Variants in PODXL observed in about 807,000 individuals in gnomAD.
The protein encoded by PODXL is podocalyxin like, also known as podocalyxin.
Under a neutral mutation model 48.9 loss-of-function variants are expected in PODXL, and 20 were observed. That is an observed-to-expected ratio of 0.41 (90% CI 0.29 to 0.59). The LOEUF is 0.59. PODXL is among the 20% of genes least tolerant of loss of function. The pLI, the probability that PODXL is intolerant of heterozygous loss-of-function variation, is 0.31. For synonymous variants in PODXL, 295 were observed against 287.4 expected (o/e 1.03, Z -0.27); for missense variants, 606 against 675.1 (o/e 0.90, Z 1.13).
intron 1 of PODXL, among the ~76,000 whole-genome samples, chr7:131,534,782 G>A (rs189028745): frequency 2.3e-3 from 354 of 152,312 alleles, no homozygotes; most frequent in African/African-American, 8.1e-3. Flanking sequence ...GGGTGTGGTG[G>A]CTCACACCTG....
At chr7:131,507,376 T>A (rs541639142) in intron 5 of PODXL, among the ~76,000 whole-genome samples, 1 of 152,176 alleles carries the variant, frequency 6.6e-6, no homozygotes, top group Non-Finnish European at 1.5e-5. Context: ...TATTTAGCTC[T>A]AAGAACAAAG....
At chr7:131,523,747 C>A (rs1001724395) in intron 1 of PODXL, among the ~76,000 whole-genome samples, 3 of 150,356 alleles carry the variant, frequency 2.0e-5, no homozygotes, top group Non-Finnish European at 4.4e-5. Flanking sequence ...TCAGCAGACT[C>A]CTCAACTCCA....
intron 1 of PODXL, among the ~76,000 whole-genome samples, chr7:131,530,316 G>T (rs1393409491): frequency 1.3e-5 from 2 of 152,182 alleles, no homozygotes; most frequent in South Asian, 4.1e-4. Flanking sequence ...CACTTGGCCA[G>T]GACTCCTCCC....
intron 5 of PODXL, among the ~76,000 whole-genome samples, chr7:131,508,105 T>G (rs745539086): frequency 2.0e-5 from 3 of 152,274 alleles, no homozygotes; most frequent in African/African-American, 7.2e-5. Context: ...ATTTACTGAG[T>G]GTGCACAGCG....
At chr7:131,518,436 T>C (rs1412035797) in intron 1 of PODXL, among the ~76,000 whole-genome samples, 1 of 152,234 alleles carries the variant, frequency 6.6e-6, no homozygotes, top group African/African-American at 2.4e-5. Flanking sequence ...TCATCACTTC[T>C]ACCATCATCG....
intron 1 of PODXL, among the ~76,000 whole-genome samples, chr7:131,535,185 G>C (rs935757535): frequency 2.6e-5 from 4 of 152,198 alleles, no homozygotes; most frequent in African/African-American, 7.2e-5. Context: ...CTGGAGGGAA[G>C]GGAAGGGGAG....
At chr7:131,524,362 GCA>G (rs1416965067) in intron 1 of PODXL, among the ~76,000 whole-genome samples, 3 of 126,326 alleles carry the variant, frequency 2.4e-5, no homozygotes, top group Admixed American at 7.7e-5. Flanking sequence ...ACACACACAC[GCA>G]CACACACACA....
intron 1 of PODXL, among the ~76,000 whole-genome samples, chr7:131,518,206 G>A (rs914898114): frequency 4.6e-5 from 7 of 152,158 alleles, no homozygotes; most frequent in East Asian, 1.9e-4. Flanking sequence ...GTCTTTTTGC[G>A]GGGGGAATGC....
At chr7:131,509,201 GCCA>G in intron 4 of PODXL, 161 bp downstream of exon 4, 1 of 816,510 alleles carries the variant, frequency 1.2e-6, no homozygotes, top group Non-Finnish European at 2.1e-6. Flanking sequence ...GGCAGCTCAA[GCCA>G]GGACCAGGCT....
At chr7:131,556,036 G>A (rs1258679649) in intron 1 of PODXL, among the ~76,000 whole-genome samples, 1 of 152,270 alleles carries the variant, frequency 6.6e-6, no homozygotes, top group East Asian at 1.9e-4. Flanking sequence ...CTCCTCCCGA[G>A]TGGAGAGTGG....
At chr7:131,550,604 C>A (rs1246078380) in intron 1 of PODXL, among the ~76,000 whole-genome samples, 4 of 151,906 alleles carry the variant, frequency 2.6e-5, no homozygotes, top group African/African-American at 9.7e-5. Context: ...CACCTGCACT[C>A]CACCCTTGGC....
At chr7:131,555,167 G>A (rs1161726813) in intron 1 of PODXL, among the ~76,000 whole-genome samples, 2 of 152,106 alleles carry the variant, frequency 1.3e-5, no homozygotes, top group African/African-American at 4.8e-5. Flanking sequence ...GTCCCAAACT[G>A]CCGGCACCTG....
intron 1 of PODXL, among the ~76,000 whole-genome samples, chr7:131,541,478 G>T (rs1230716171): frequency 6.6e-6 from 1 of 152,078 alleles, no homozygotes; most frequent in Non-Finnish European, 1.5e-5. Context: ...ACGAGGTCAG[G>T]AGTTCAAGAC....
At chr7:131,555,923 C>T (rs1211405051) in intron 1 of PODXL, among the ~76,000 whole-genome samples, 1 of 152,220 alleles carries the variant, frequency 6.6e-6, no homozygotes, top group African/African-American at 2.4e-5. Flanking sequence ...CCGAGAGTCC[C>T]GCAGAAGCGT....
At chr7:131,505,513 G>A (rs1044011997) in intron 8 of PODXL, among the ~76,000 whole-genome samples, 1 of 152,100 alleles carries the variant, frequency 6.6e-6, no homozygotes, top group Non-Finnish European at 1.5e-5. Flanking sequence ...CGGGCGTGGT[G>A]GTGGGCACCT....
chr7:131,520,359 G>C, intron 1 of PODXL: 1 of 501,240 alleles, frequency 2.0e-6, no homozygotes, highest in South Asian at 1.6e-5. Context: ...TGGGCCAAAG[G>C]AATAAAGAAT....
chr7:131,540,146 G>T (rs910442531), intron 1 of PODXL, among the ~76,000 whole-genome samples: 1 of 152,122 alleles, frequency 6.6e-6, no homozygotes, highest in Admixed American at 6.5e-5. Context: ...CCTGGGCTCA[G>T]ATGATCCTCC....
chr7:131,548,731 C>T (rs909464417), intron 1 of PODXL, among the ~76,000 whole-genome samples: 10 of 152,208 alleles, frequency 6.6e-5, no homozygotes, highest in African/African-American at 2.4e-4. Context: ...AAGCCCCAAT[C>T]CTCAGCTGAA....
At chr7:131,555,108 G>A (rs1798723221) in intron 1 of PODXL, among the ~76,000 whole-genome samples, 1 of 152,098 alleles carries the variant, frequency 6.6e-6, no homozygotes, top group Non-Finnish European at 1.5e-5. Flanking sequence ...CTGCGGTGCA[G>A]AGGAGAGACT....
Sources: allele counts gnomAD v4.1 joint callset (sites outside exome capture counted in the v4.1 genomes callset), GRCh38; gene constraint gnomAD v4.1.1; transcripts MANE v1.5; gene names NCBI Gene and HGNC (gene_info 2026-07-23, HGNC 2026-07-21).